RARB: variants seen among roughly 807,000 people sequenced by gnomAD.
RARB encodes the protein HBV-activated protein.
A neutral mutation model predicts 51.9 loss-of-function variants in RARB; 17 were observed. The observed-to-expected ratio is 0.33, with a 90% CI of 0.22 to 0.49. The LOEUF (loss-of-function observed/expected upper bound fraction) is 0.49, where lower values mean the gene tolerates loss of function less well. Among genes scored for constraint, RARB ranks in the 20% least tolerant of loss-of-function variants. The pLI, the probability that RARB is intolerant of heterozygous loss-of-function variation, is 0.99. For missense variants in RARB, 369 were observed against 550.8 expected (o/e 0.67, Z 3.30); for synonymous variants, 215 against 195.4 (o/e 1.10, Z -0.84).
At chr3:25,155,425 G>T (rs1405704764) in intron 4 of RARB, among the ~76,000 whole-genome samples, 3 of 152,136 alleles carry the variant, frequency 2.0e-5, no homozygotes, top group African/African-American at 7.2e-5. Context: ...TCAGTGCTTT[G>T]GTCATAGAAG....
chr3:25,088,884 A>G (rs1346357864), intron 3 of RARB, among the ~76,000 whole-genome samples: 1 of 152,102 alleles, frequency 6.6e-6, no homozygotes, highest in African/African-American at 2.4e-5. Context: ...CTTTTTTCTA[A>G]TAATGAAAAA....
chr3:25,289,066 GT>G (rs1703722283), intron 5 of RARB, among the ~76,000 whole-genome samples: 1 of 152,212 alleles, frequency 6.6e-6, no homozygotes, highest in African/African-American at 2.4e-5. Flanking sequence ...AGGGCATGCA[GT>G]TGCCTGGACC....
chr3:25,500,463 T>G (rs1164438481), intron 2 of RARB, among the ~76,000 whole-genome samples: 1 of 96,494 alleles, frequency 1.0e-5, no homozygotes, highest in Non-Finnish European at 2.0e-5. Context: ...TGTTTTTTTT[T>G]TTTTTTTTTT....
intron 2 of RARB, among the ~76,000 whole-genome samples, chr3:25,034,887 A>T (rs1472676303): frequency 6.6e-6 from 1 of 152,238 alleles, no homozygotes; most frequent in East Asian, 1.9e-4. Context: ...TGGCAACTGC[A>T]GCTGGAGCTC....
At chr3:25,154,085 T>A (rs62235860) in intron 4 of RARB, among the ~76,000 whole-genome samples, 1 of 152,242 alleles carries the variant, frequency 6.6e-6, no homozygotes, top group Non-Finnish European at 1.5e-5. Context: ...CTCTCTTCTA[T>A]GATTATGTGG....
At chr3:25,549,387 A>G (rs75205624) in intron 3 of RARB, among the ~76,000 whole-genome samples, 6,287 of 152,240 alleles carry the variant, frequency 0.041, 163 homozygotes, top group Non-Finnish European at 0.062. Context: ...CAGTACTAAC[A>G]AGATGCCATT....
chr3:24,999,236 G>T (rs1697107146), intron 2 of RARB, among the ~76,000 whole-genome samples: 1 of 152,128 alleles, frequency 6.6e-6, no homozygotes, highest in African/African-American at 2.4e-5. Flanking sequence ...GCATTGCCAT[G>T]TAAAAACACG....
intron 5 of RARB, among the ~76,000 whole-genome samples, chr3:25,345,787 C>T (rs1346678672): frequency 6.6e-6 from 1 of 151,966 alleles, no homozygotes; most frequent in Non-Finnish European, 1.5e-5. Context: ...ATAAGTTTCT[C>T]AGAGTGATTG....
At chr3:25,057,557 T>G (rs1018474178) in intron 2 of RARB, among the ~76,000 whole-genome samples, 2 of 152,074 alleles carry the variant, frequency 1.3e-5, no homozygotes, top group African/African-American at 4.8e-5. Flanking sequence ...TGAGTAACTT[T>G]GAATCCAATT....
intron 5 of RARB, among the ~76,000 whole-genome samples, chr3:25,201,230 T>G (rs1430639162): frequency 6.6e-6 from 1 of 152,150 alleles, no homozygotes; most frequent in African/African-American, 2.4e-5. Context: ...GGCTCTCTGT[T>G]TTTCTGTTAT....
intron 1 of RARB, among the ~76,000 whole-genome samples, chr3:25,434,832 G>A (rs1031148161): frequency 6.6e-6 from 1 of 151,964 alleles, no homozygotes; most frequent in African/African-American, 2.4e-5. Flanking sequence ...GAGCCACCGA[G>A]CCCGGCCTTG....
intron 3 of RARB, among the ~76,000 whole-genome samples, chr3:25,538,106 A>G (rs943956123): frequency 6.6e-6 from 1 of 152,168 alleles, no homozygotes; most frequent in African/African-American, 2.4e-5. Context: ...GGTGTTTCCC[A>G]GTAACAAGTG....
chr3:24,833,322 A>G (rs1379106779), intron 1 of RARB: 2 of 152,174 alleles, frequency 1.3e-5, no homozygotes, highest in East Asian at 1.9e-4. Context: ...AGCTGGCTCC[A>G]CTTTCATGAT....
intron 1 of RARB, among the ~76,000 whole-genome samples, chr3:24,850,265 C>T (rs983639195): frequency 4.1e-4 from 62 of 152,282 alleles, no homozygotes; most frequent in African/African-American, 1.4e-3. Flanking sequence ...AACAGTCACC[C>T]ATTTACTCAT....
At chr3:24,862,675 A>C (rs1188058591) in intron 2 of RARB, among the ~76,000 whole-genome samples, 1 of 152,188 alleles carries the variant, frequency 6.6e-6, no homozygotes, top group Non-Finnish European at 1.5e-5. Flanking sequence ...GGGTTTATAT[A>C]TCTACAGTTT....
intron 3 of RARB, among the ~76,000 whole-genome samples, chr3:25,078,386 G>C (rs953389758): frequency 1.9e-4 from 29 of 151,634 alleles, no homozygotes; most frequent in Admixed American, 1.3e-4. Context: ...TTATTGTTTT[G>C]GCTCTTCCAT....
At chr3:25,294,968 G>C (rs1435351478) in intron 5 of RARB, among the ~76,000 whole-genome samples, 3 of 152,126 alleles carry the variant, frequency 2.0e-5, no homozygotes, top group Non-Finnish European at 4.4e-5. Flanking sequence ...TATGTGATTA[G>C]TCCTGCTGTG....
intron 5 of RARB, among the ~76,000 whole-genome samples, chr3:25,323,566 T>A (rs977601619): frequency 3.3e-5 from 5 of 152,216 alleles, no homozygotes; most frequent in African/African-American, 1.2e-4. Context: ...AAAGTATGCA[T>A]GGAATGGGAA....
chr3:24,959,380 TCTC>T (rs1318206750), intron 2 of RARB, among the ~76,000 whole-genome samples: 1 of 152,130 alleles, frequency 6.6e-6, no homozygotes, highest in African/African-American at 2.4e-5. Flanking sequence ...AAGGTATTCT[TCTC>T]CTGAAGTCCC....
Sources: allele counts gnomAD v4.1 joint callset (sites outside exome capture counted in the v4.1 genomes callset), GRCh38; gene constraint gnomAD v4.1.1; transcripts MANE v1.5; gene names NCBI Gene and HGNC (gene_info 2026-07-23, HGNC 2026-07-21).